Variants in PGBD5 observed in about 807,000 individuals in gnomAD.
PGBD5 encodes the protein piggyBac transposable element derived 5.
Under a neutral mutation model 47.9 loss-of-function variants are expected in PGBD5, and 14 were observed. That is an observed-to-expected ratio of 0.29 (90% CI 0.19 to 0.46). The LOEUF is 0.46. Ranked by LOEUF, PGBD5 falls within the 20% of genes least tolerant of loss-of-function variation. The pLI is 1.00. For synonymous variants in PGBD5, 316 were observed against 306.3 expected (o/e 1.03, Z -0.33); for missense variants, 635 against 716.0 (o/e 0.89, Z 1.29).
intron 5 of PGBD5, among the ~76,000 whole-genome samples, chr1:230,329,419 A>G (rs1025489350): frequency 6.6e-6 from 1 of 152,256 alleles, no homozygotes; most frequent in African/African-American, 2.4e-5. Flanking sequence ...CTGCTCAACT[A>G]CAACCAGAGT....
chr1:230,353,274 G>A (rs138332373), intron 2 of PGBD5, among the ~76,000 whole-genome samples: 5 of 152,218 alleles, frequency 3.3e-5, no homozygotes, highest in East Asian at 1.9e-4. Flanking sequence ...TGATGAGCTC[G>A]TTTTGAGGTG....
chr1:230,382,680 C>G (rs79346025), intron 1 of PGBD5, among the ~76,000 whole-genome samples: 1 of 152,130 alleles, frequency 6.6e-6, no homozygotes, highest in Non-Finnish European at 1.5e-5. Flanking sequence ...TATGAAAACA[C>G]GTGCAAGGTG....
chr1:230,373,447 G>T (rs557863332), intron 1 of PGBD5, among the ~76,000 whole-genome samples: 1 of 152,188 alleles, frequency 6.6e-6, no homozygotes, highest in East Asian at 1.9e-4. Context: ...GGGTGAGGGG[G>T]ACGAGGGTGC....
In PGBD5 at chr1:230,389,919, G is replaced by A. The variant is rs144900151; in HGVS notation, c.332-32598C>T. 1.1e-4 allele frequency among the ~76,000 whole-genome samples: 16 copies of A among 152,288 alleles called. No homozygotes were observed. In the East Asian group the frequency reaches 2.5e-3, roughly 24 times the overall value. On this transcript the variant is annotated intron_variant, in intron 1 of 6. Transcript: ENST00000391860. ...CCTGTCCCAAAGTGACACTGCCTAG[G>A]GCAGAAAAGGTATCATCCTCACTCC...
At chr1:230,420,948 A>G (rs372053251) in intron 1 of PGBD5, among the ~76,000 whole-genome samples, 5 of 152,334 alleles carry the variant, frequency 3.3e-5, no homozygotes, top group South Asian at 2.1e-4. Context: ...AGGAAGCTGA[A>G]GCGGGAGGAT....
chr1:230,394,443 C>T (rs1348030832), intron 1 of PGBD5, among the ~76,000 whole-genome samples: 1 of 147,316 alleles, frequency 6.8e-6, no homozygotes, highest in Non-Finnish European at 1.5e-5. Flanking sequence ...CCAAGCCCCT[C>T]CCTGTGCTGC....
chr1:230,364,743 A>G (rs1667801573), intron 1 of PGBD5, among the ~76,000 whole-genome samples: 1 of 152,256 alleles, frequency 6.6e-6, no homozygotes, highest in Non-Finnish European at 1.5e-5. Context: ...AAAGCTGGCC[A>G]GGCGCAGTGG....
At chr1:230,386,106 C>T (rs768280541) in intron 1 of PGBD5, among the ~76,000 whole-genome samples, 1 of 152,072 alleles carries the variant, frequency 6.6e-6, no homozygotes, top group Admixed American at 6.5e-5. Flanking sequence ...GCTGGAGGAT[C>T]GCTTGAGCTC....
At chr1:230,335,884 CAGATGCATACACGGACATACAGACACAA>C (rs1667316465) in intron 4 of PGBD5, among the ~76,000 whole-genome samples, 1 of 141,228 alleles carries the variant, frequency 7.1e-6, no homozygotes, top group Admixed American at 7.0e-5. Context: ...CACGGACACA[CAGATGCATACACGGACATACAGACACAA>C]AGACACAGAC....
rs1553280438 is a variant in PGBD5 at position 230,321,229 on chromosome 1, CT to C, written c.*2195del. On this transcript the variant is annotated 3_prime_UTR_variant, in exon 7 of 7. Coordinates refer to ENST00000391860, the MANE Select transcript of PGBD5 (RefSeq NM_001258311.2). ...CTATTAGCCAAACTCAAAAACATTTCTTTTTTAAACTGCTCAGTGGTTTGAG... is the reference window on the plus strand; with the variant it reads ...CTATTAGCCAAACTCAAAAACATTTCTTTTTAAACTGCTCAGTGGTTTGAG... 3 of 152,188 alleles carry C rather than the reference CT, an allele frequency of 2.0e-5. No homozygotes were observed. The highest frequency in any genetic ancestry group is 4.4e-5 in the Non-Finnish European group (3 of 68,028). 9.4% of individuals were successfully genotyped at this position (152,188 alleles called of 1,614,324 possible). A position where few individuals can be genotyped will look rare whatever the true frequency, so the allele number is the denominator to read the frequency against.
chr1:230,394,501 T>G, intron 1 of PGBD5, among the ~76,000 whole-genome samples: 1 of 146,126 alleles, frequency 6.8e-6, no homozygotes, highest in East Asian at 2.1e-4. Flanking sequence ...GCTGTGCTTC[T>G]TCCCATCCCC....
intron 3 of PGBD5, among the ~76,000 whole-genome samples, chr1:230,344,086 C>A (rs1436429939): frequency 6.6e-6 from 1 of 152,164 alleles, no homozygotes; most frequent in Non-Finnish European, 1.5e-5. Context: ...GAGATGCAGA[C>A]CATCCTGGCT....
intron 1 of PGBD5, among the ~76,000 whole-genome samples, chr1:230,392,608 C>T (rs191887853): frequency 5.9e-5 from 9 of 152,336 alleles, no homozygotes; most frequent in South Asian, 2.1e-4. Flanking sequence ...CTCCTCCTTC[C>T]GGGGCTCCTT....
intron 1 of PGBD5, among the ~76,000 whole-genome samples, chr1:230,418,207 G>A (rs749378201): frequency 6.6e-6 from 1 of 152,204 alleles, no homozygotes; most frequent in Non-Finnish European, 1.5e-5. Context: ...GCCCAAGGAA[G>A]TGATGTATAC....
chr1:230,411,068 G>A lies in PGBD5; in HGVS notation c.331+14530C>T, dbSNP rs571691585. Among the ~76,000 whole-genome samples, 4 of 152,122 alleles carry A rather than the reference G, an allele frequency of 2.6e-5. No individual in the cohort carries two copies. The East Asian group carries it at 7.7e-4, about 29-fold the overall frequency. On this transcript the variant is annotated intron_variant, in intron 1 of 6. Transcript: ENST00000391860. ...GAAGTGGGAAGACTGTTTGTGCCCAGGAGCTCAAGACCAGCCTAGGCAACA... is the reference window on the plus strand; with the variant it reads ...GAAGTGGGAAGACTGTTTGTGCCCAAGAGCTCAAGACCAGCCTAGGCAACA...
rs1405673100 is a variant in PGBD5, at chr1:230,321,716, TAG to T, written c.*1707_*1708del. 6.5e-6 allele frequency: 1 copy of T among 152,674 alleles called. No homozygotes were observed. The highest frequency in any genetic ancestry group is 2.4e-5 in the African/African-American group (1 of 41,464). 9.5% of individuals were successfully genotyped at this position (152,674 alleles called of 1,614,324 possible). ...GAAAAGAAAATTCATCAGCTTTCATTAGAGTCTCCTTAAGTGTTGGAAACACA... is the reference window on the plus strand; with the variant it reads ...GAAAAGAAAATTCATCAGCTTTCATTAGTCTCCTTAAGTGTTGGAAACACA... On this transcript the variant is annotated 3_prime_UTR_variant, in exon 7 of 7. Transcript: ENST00000391860.
chr1:230,390,354 A>C (rs1400711015), intron 1 of PGBD5, among the ~76,000 whole-genome samples: 1 of 152,064 alleles, frequency 6.6e-6, no homozygotes, highest in African/African-American at 2.4e-5. Context: ...CCTCCTTAGA[A>C]TCACCAGCAG....
At position 230,425,331 on chromosome 1, in the gene PGBD5, C is replaced by A. The variant is rs1490209592; in HGVS notation, c.331+267G>T. On this transcript the variant is annotated intron_variant, in intron 1 of 6. Transcript: ENST00000391860. This position sits in a 1 kb window ranked among gnomAD's most constrained non-coding sequence, Gnocchi z 4.7. ...GACTTCCCATGCAGGGGCTGGGGTG[C>A]TCCCAGGAAGTGAAGGAAAAGGTCC... Among the ~76,000 whole-genome samples the A allele has an allele frequency of 6.6e-6, 1 of 152,178 alleles. No homozygotes were observed. Among genetic ancestry groups the A allele is most frequent in the Non-Finnish European group, 1.5e-5 (1 of 68,024 alleles).
At position 230,320,916 on chromosome 1, in the gene PGBD5, C is replaced by T. The variant is rs1197987733; in HGVS notation, c.*2509G>A. The T allele has an allele frequency of 6.6e-6, 1 of 152,250 alleles. No individual in the cohort carries two copies. Among genetic ancestry groups the T allele is most frequent in the Non-Finnish European group, 1.5e-5 (1 of 68,060 alleles). 9.4% of individuals were successfully genotyped at this position (152,250 alleles called of 1,614,324 possible). A position where few individuals can be genotyped will look rare whatever the true frequency, so the allele number is the denominator to read the frequency against. ...AGTGGCCACTGAAGCCTCCCCTAGA[C>T]CCGGCTCAACAGCTGCCTTTTCCCA... On this transcript the variant is annotated 3_prime_UTR_variant, in exon 7 of 7. Transcript: ENST00000391860.
Sources: gnomAD v4.1 joint callset for allele counts (sites outside exome capture counted in the v4.1 genomes callset) on GRCh38, gnomAD v4.1.1 for gene constraint, Gnocchi (gnomAD v3.1) non-coding constraint, MANE v1.5 for transcripts, NCBI Gene and HGNC (gene_info 2026-07-23, HGNC 2026-07-21) for gene names.